The following CAMK1D variants were observed in gnomAD, a reference collection of about 807,000 sequenced individuals.
CAMK1D encodes calcium/calmodulin dependent protein kinase ID.
In CAMK1D, 9 loss-of-function variants were observed where a neutral mutation model predicts 47.7. The ratio of observed to expected loss-of-function variants is 0.19; its 90% CI spans 0.11 to 0.33. The LOEUF is 0.33. Ranked by LOEUF, CAMK1D falls within the 10% of genes least tolerant of loss-of-function variation. The probability of loss-of-function intolerance (pLI) is 1.00; values close to 1 mark genes in which losing one functional copy is unlikely to be tolerated. For missense variants in CAMK1D, 291 were observed against 488.7 expected (o/e 0.60, Z 3.81); for synonymous variants, 184 against 184.9 (o/e 0.99, Z 0.04).
chr10:12,581,486 C>T (rs1004570993), intron 2 of CAMK1D, among the ~76,000 whole-genome samples: 1 of 152,120 alleles, frequency 6.6e-6, no homozygotes, highest in Non-Finnish European at 1.5e-5. Flanking sequence ...AGCGGTTTTA[C>T]TTGTTTACAT....
intron 1 of CAMK1D, among the ~76,000 whole-genome samples, chr10:12,500,926 C>T (rs1226239725): frequency 6.6e-6 from 1 of 152,246 alleles, no homozygotes; most frequent in Non-Finnish European, 1.5e-5. Context: ...TTCAGTGCAG[C>T]CTCACAATCA....
intron 1 of CAMK1D, among the ~76,000 whole-genome samples, chr10:12,419,733 T>C (rs938450642): frequency 6.6e-6 from 1 of 152,080 alleles, no homozygotes; most frequent in Non-Finnish European, 1.5e-5. Flanking sequence ...AAAACTGTTT[T>C]TTCAGCTTCT....
chr10:12,737,385 G>C (rs1588869154), intron 3 of CAMK1D, among the ~76,000 whole-genome samples: 1 of 152,128 alleles, frequency 6.6e-6, no homozygotes, highest in African/African-American at 2.4e-5. Flanking sequence ...CCAAAGTGCT[G>C]TGTCTCTGTC....
chr10:12,421,793 T>TC (rs370469254), intron 1 of CAMK1D, among the ~76,000 whole-genome samples: 33 of 151,704 alleles, frequency 2.2e-4, no homozygotes, highest in African/African-American at 7.5e-4. Flanking sequence ...TGGTTTTTTT[T>TC]CTATTCGCTT....
intron 5 of CAMK1D, among the ~76,000 whole-genome samples, chr10:12,782,113 C>T (rs565330011): frequency 2.0e-5 from 3 of 151,988 alleles, no homozygotes; most frequent in East Asian, 3.9e-4. Context: ...GTCCCAAAAG[C>T]CTTCTGCTCT....
chr10:12,369,925 C>T (rs1159788745), intron 1 of CAMK1D, among the ~76,000 whole-genome samples: 1 of 149,030 alleles, frequency 6.7e-6, no homozygotes, highest in Non-Finnish European at 1.5e-5. Context: ...CATTGCACTC[C>T]AGTCTGAGTA....
intron 2 of CAMK1D, among the ~76,000 whole-genome samples, chr10:12,665,450 T>C (rs1046535690): frequency 6.6e-6 from 1 of 152,226 alleles, no homozygotes; most frequent in Admixed American, 6.5e-5. Context: ...TCAATATCAT[T>C]CATTCATTCA....
At chr10:12,479,823 G>A (rs1834009836) in intron 1 of CAMK1D, among the ~76,000 whole-genome samples, 1 of 152,232 alleles carries the variant, frequency 6.6e-6, no homozygotes, top group Non-Finnish European at 1.5e-5. Flanking sequence ...AGCCGAGGGA[G>A]TGCATTGTCT....
intron 2 of CAMK1D, among the ~76,000 whole-genome samples, chr10:12,652,155 GGAA>G (rs1434239862): frequency 5.3e-5 from 8 of 152,008 alleles, no homozygotes; most frequent in Non-Finnish European, 1.5e-5. Context: ...GTTGGAGTGG[GGAA>G]GAAAGCTTTT....
At chr10:12,766,361 CT>C (rs61097569) in intron 4 of CAMK1D, among the ~76,000 whole-genome samples, 33,843 of 102,896 alleles carry the variant, frequency 0.33, 5,328 homozygotes, top group Middle Eastern at 0.45. Context: ...TTGCCTGTTT[CT>C]TTTTTTTTTT....
chr10:12,607,101 T>C (rs1453081457), intron 2 of CAMK1D, among the ~76,000 whole-genome samples: 1 of 152,128 alleles, frequency 6.6e-6, no homozygotes, highest in Non-Finnish European at 1.5e-5. Flanking sequence ...GCTGGGATTA[T>C]AGCATGAGCC....
At chr10:12,556,255 C>T (rs1836757803) in intron 2 of CAMK1D, among the ~76,000 whole-genome samples, 2 of 152,258 alleles carry the variant, frequency 1.3e-5, no homozygotes, top group South Asian at 2.1e-4. Context: ...TGAAACCACT[C>T]AGAATGTTGT....
rs562155845 is a variant in CAMK1D at position 12,539,184 on chromosome 10, AT to A, written c.93-14032del. 5.4e-3 allele frequency among the ~76,000 whole-genome samples: 814 copies of A among 151,844 alleles called. 5 individuals carry two copies. The highest frequency in any genetic ancestry group is 0.018 in the African/African-American group (763 of 41,432). Reference sequence around the variant, plus strand: ...TTGATTGTTTTAAGCCAGAATATTGATTTTTTTTTAACACAGACACAGCCAA... The same window carrying A: ...TTGATTGTTTTAAGCCAGAATATTGATTTTTTTTAACACAGACACAGCCAA... On this transcript the variant is annotated intron_variant, in intron 1 of 10. Coordinates refer to ENST00000619168, the MANE Select transcript of CAMK1D (RefSeq NM_153498.4).
At chr10:12,692,513 GTTTA>G (rs1441650618) in intron 3 of CAMK1D, among the ~76,000 whole-genome samples, 2 of 152,108 alleles carry the variant, frequency 1.3e-5, no homozygotes, top group East Asian at 3.8e-4. Context: ...TCATAACGTT[GTTTA>G]TTATATGGAG....
intron 2 of CAMK1D, among the ~76,000 whole-genome samples, chr10:12,651,818 G>C (rs918497352): frequency 6.7e-6 from 1 of 149,796 alleles, no homozygotes; most frequent in Non-Finnish European, 1.5e-5. Context: ...CCGTTCTGTC[G>C]CCCAGGCTGG....
intron 2 of CAMK1D, among the ~76,000 whole-genome samples, chr10:12,640,312 T>G (rs1839631473): frequency 6.6e-6 from 1 of 152,104 alleles, no homozygotes; most frequent in Non-Finnish European, 1.5e-5. Context: ...GAGAAGGAGT[T>G]TAGAATCTCA....
chr10:12,536,540 C>T (rs2132233016), intron 1 of CAMK1D, among the ~76,000 whole-genome samples: 1 of 152,302 alleles, frequency 6.6e-6, no homozygotes, highest in African/African-American at 2.4e-5. Context: ...CGGCCTCCCA[C>T]AGTGCTGGGA....
intron 1 of CAMK1D, among the ~76,000 whole-genome samples, chr10:12,461,979 C>T (rs1833440329): frequency 1.0e-5 from 1 of 100,232 alleles, no homozygotes; most frequent in Non-Finnish European, 2.0e-5. Context: ...ATATTCCCAC[C>T]CAGCGCTTCT....
chr10:12,618,416 A>G (rs1421481161), intron 2 of CAMK1D, among the ~76,000 whole-genome samples: 1 of 152,202 alleles, frequency 6.6e-6, no homozygotes, highest in Non-Finnish European at 1.5e-5. Flanking sequence ...CATTGTTTAT[A>G]GCTGCTTTTA....
Sources: allele counts gnomAD v4.1 joint callset (sites outside exome capture counted in the v4.1 genomes callset), GRCh38; gene constraint gnomAD v4.1.1; transcripts MANE v1.5; gene names NCBI Gene and HGNC (gene_info 2026-07-23, HGNC 2026-07-21).